DMD: variants seen among roughly 807,000 people sequenced by gnomAD.
DMD encodes dystrophin.
DMD carries 63 observed loss-of-function variants against 330.1 expected under a neutral mutation model. The observed-to-expected ratio is 0.19, with a 90% CI of 0.16 to 0.24. DMD has a LOEUF of 0.24. DMD is among the 10% of genes least tolerant of loss of function. The pLI, the probability that DMD is intolerant of heterozygous loss-of-function variation, is 1.00. For synonymous variants in DMD, 1,223 were observed against 959.8 expected (o/e 1.27, Z -5.07); for missense variants, 3,344 against 2,684.1 (o/e 1.25, Z -5.43).
intron 2 of DMD, among the ~76,000 whole-genome samples, chrX:32,905,282 T>C (rs888111489): frequency 6.3e-5 from 7 of 111,794 alleles, no homozygotes; most frequent in African/African-American, 2.3e-4. Flanking sequence ...TGGTGAGAAC[T>C]TAATTGCTCA....
chrX:32,564,896 T>G (rs952186492), intron 16 of DMD, among the ~76,000 whole-genome samples: 5 of 111,772 alleles, frequency 4.5e-5, no homozygotes, highest in African/African-American at 1.6e-4. Flanking sequence ...TGTATGCCTG[T>G]GCATTGAGCT....
chrX:33,019,914 G>T (rs752192328), intron 2 of DMD, among the ~76,000 whole-genome samples: 1 of 111,274 alleles, frequency 9.0e-6, no homozygotes, highest in Non-Finnish European at 1.9e-5. Context: ...TTGTCAAGAA[G>T]AATCAAAGAT....
intron 4 of DMD, among the ~76,000 whole-genome samples, chrX:32,831,443 T>C (rs1360873310): frequency 9.0e-6 from 1 of 110,970 alleles, no homozygotes; most frequent in Non-Finnish European, 1.9e-5. Context: ...ATTTTTGATT[T>C]GCTTTACAGA....
chrX:32,260,246 C>T (rs1456728), intron 43 of DMD, among the ~76,000 whole-genome samples: 23,625 of 110,333 alleles, frequency 0.21, 2,109 homozygotes, highest in East Asian at 0.41. Flanking sequence ...TCAATGTTGA[C>T]ATGGCAGAGC....
chrX:32,225,985 G>A (rs746765550), intron 43 of DMD, among the ~76,000 whole-genome samples: 123 of 111,821 alleles, frequency 1.1e-3, no homozygotes, highest in African/African-American at 3.8e-3. Flanking sequence ...TAGAAATCTT[G>A]AGACCATCGT....
At chrX:31,178,403 A>G in intron 70 of DMD, 1 of 958,138 alleles carries the variant, frequency 1.0e-6, no homozygotes, top group Non-Finnish European at 1.3e-6. Context: ...TAAGGCTTGT[A>G]AGGCAATTAG....
intron 55 of DMD, among the ~76,000 whole-genome samples, chrX:31,558,717 T>C (rs1353201545): frequency 9.0e-6 from 1 of 111,332 alleles, no homozygotes; most frequent in African/African-American, 3.3e-5. Context: ...ATTACTGTGA[T>C]AGAAAGACCT....
At chrX:31,451,622 T>C (rs2065761424) in intron 59 of DMD, among the ~76,000 whole-genome samples, 1 of 110,583 alleles carries the variant, frequency 9.0e-6, no homozygotes, top group Non-Finnish European at 1.9e-5. Context: ...ACTAACACTA[T>C]GGGGCTATTT....
At chrX:32,807,528 T>C (rs1326008908) in intron 7 of DMD, among the ~76,000 whole-genome samples, 1 of 111,553 alleles carries the variant, frequency 9.0e-6, no homozygotes, top group Admixed American at 9.5e-5. Flanking sequence ...AGTAAAATGG[T>C]GATCTTATAG....
rs189452094 is a variant in DMD at position 32,814,808 on chromosome X, C to T, written c.530+1660G>A. Among the ~76,000 whole-genome samples, 11 of 111,380 alleles carry T rather than the reference C, an allele frequency of 9.9e-5. No individual in the cohort carries two copies. In the East Asian group the frequency reaches 2.0e-3, roughly 20 times the overall value. On this transcript the variant is annotated intron_variant, in intron 6 of 78. Coordinates refer to ENST00000357033, the MANE Select transcript of DMD (RefSeq NM_004006.3). ...CAAATATAGAGTGGGAACATGCTTG[C>T]AGGATTGAAGTCTTCCACTTGAAGG...
intron 67 of DMD, among the ~76,000 whole-genome samples, chrX:31,203,288 G>GAAAAAAAAA (rs775067715): frequency 1.4e-5 from 1 of 69,666 alleles, no homozygotes; most frequent in African/African-American, 5.8e-5. Context: ...ACTCAAAAAA[G>GAAAAAAAAA]AAAAAAAAAA....
At chrX:32,851,240 C>T (rs1018231793) in intron 2 of DMD, among the ~76,000 whole-genome samples, 1 of 108,319 alleles carries the variant, frequency 9.2e-6, no homozygotes, top group African/African-American at 3.6e-5. Flanking sequence ...ATGACAAGAC[C>T]TGTAAATGCC....
At position 33,032,055 on chromosome X, in the gene DMD, T is replaced by G. The variant is rs113991443; in HGVS notation, c.32-11855A>C. 6.1e-4 allele frequency among the ~76,000 whole-genome samples: 68 copies of G among 112,124 alleles called. 1 individual carries two copies. Among genetic ancestry groups the G allele is most frequent in the African/African-American group, 2.0e-3 (63 of 30,890 alleles). On this transcript the variant is annotated intron_variant, in intron 1 of 78. Transcript: ENST00000357033. ...CATTATTTGCTCATCGGTTTCTTTT[T>G]CTTCCTCCTTTCCACTTGCCATGGT... is the stretch of plus-strand genomic sequence containing the variant.
At chrX:33,324,337 G>A (rs1274222086) in intron 1 of DMD, among the ~76,000 whole-genome samples, 1 of 111,099 alleles carries the variant, frequency 9.0e-6, no homozygotes, top group Non-Finnish European at 1.9e-5. Context: ...CACCTGAGAA[G>A]CAAGAAAGGT....
chrX:32,665,800 C>T (rs144159074), intron 9 of DMD, among the ~76,000 whole-genome samples: 1,165 of 112,264 alleles, frequency 0.01, 16 homozygotes, highest in African/African-American at 0.036. Context: ...ATGTCTAATA[C>T]ACTCAGCGTT....
At chrX:33,066,873 A>G (rs955843003) in intron 1 of DMD, among the ~76,000 whole-genome samples, 1 of 112,206 alleles carries the variant, frequency 8.9e-6, no homozygotes, top group Non-Finnish European at 1.9e-5. Context: ...AATGAAATGT[A>G]AAACAATGAC....
intron 47 of DMD, 122 bp downstream of exon 47, chrX:31,929,474 A>C (rs2094825123): frequency 1.1e-6 from 1 of 891,912 alleles, no homozygotes; most frequent in African/African-American, 2.0e-5. Context: ...TAAAAAAACA[A>C]AACAAAACAA....
intron 52 of DMD, among the ~76,000 whole-genome samples, chrX:31,726,295 T>C (rs1022073573): frequency 1.8e-5 from 2 of 112,374 alleles, no homozygotes; most frequent in Admixed American, 1.9e-4. Flanking sequence ...TAGACATAAA[T>C]AGCTTTGTAC....
chrX:33,284,634 T>G (rs750582707), intron 1 of DMD, among the ~76,000 whole-genome samples: 1 of 105,430 alleles, frequency 9.5e-6, no homozygotes, highest in Non-Finnish European at 2.0e-5. Context: ...TTTTCAGCCT[T>G]TCCCCCTTCT....
Sources: allele counts gnomAD v4.1 joint callset (sites outside exome capture counted in the v4.1 genomes callset), GRCh38; gene constraint gnomAD v4.1.1; transcripts MANE v1.5; gene names NCBI Gene and HGNC (gene_info 2026-07-23, HGNC 2026-07-21).